The following HORMAD1 variants were observed in gnomAD, a reference collection of about 807,000 sequenced individuals.
HORMAD1 encodes the protein HORMA domain-containing protein 1.
HORMAD1 carries 33 observed loss-of-function variants against 58.2 expected under a neutral mutation model. The ratio of observed to expected loss-of-function variants is 0.57; its 90% CI spans 0.43 to 0.76. The LOEUF is 0.76. Among genes scored for constraint, HORMAD1 ranks in the 30% least tolerant of loss-of-function variants. HORMAD1 has a pLI of 0.00. For synonymous variants in HORMAD1, 137 were observed against 144.6 expected, an observed-to-expected ratio of 0.95 and a Z score of 0.38; for missense variants, 363 against 462.0, an observed-to-expected ratio of 0.79 and a Z score of 1.96.
At chr1:150,702,955 G>A (rs1275973775) in intron 13 of HORMAD1, among the ~76,000 whole-genome samples, 1 of 152,072 alleles carries the variant, frequency 6.6e-6, no homozygotes, top group Non-Finnish European at 1.5e-5. Flanking sequence ...TGGCATTCTA[G>A]GAAATTTCTC....
At chr1:150,698,768 C>T (rs17658503) in intron 14 of HORMAD1, 34 bp from the exon 15 acceptor site, 1 of 425,384 alleles carries the variant, frequency 2.4e-6, no homozygotes, top group Admixed American at 6.3e-5. Flanking sequence ...AGAATAGATA[C>T]TTTCCTGTTT....
intron 5 of HORMAD1, 119 bp from the exon 6 acceptor site, chr1:150,711,972 C>T: frequency 1.4e-6 from 1 of 713,274 alleles, no homozygotes; most frequent in Non-Finnish European, 2.5e-6. Flanking sequence ...ATAATCATTG[C>T]AGATCTTGAC....
chr1:150,711,151 T>C (rs764463479), intron 7 of HORMAD1, among the ~76,000 whole-genome samples: 7 of 152,316 alleles, frequency 4.6e-5, no homozygotes, highest in South Asian at 2.1e-4. Flanking sequence ...GTAAGATAAA[T>C]AGGTAGCTAT....
At chr1:150,712,685 A>T (rs1404277247) in intron 5 of HORMAD1, among the ~76,000 whole-genome samples, 2 of 152,016 alleles carry the variant, frequency 1.3e-5, no homozygotes, top group East Asian at 3.9e-4. Context: ...AGTAACTGGG[A>T]TTACAGGCGC....
intron 4 of HORMAD1, 49 bp downstream of exon 4, chr1:150,714,566 T>G (rs1399885394): frequency 1.3e-5 from 14 of 1,060,870 alleles, no homozygotes; most frequent in Non-Finnish European, 8.1e-6. Flanking sequence ...CAAAAAAAAG[T>G]AAAATGAGAA....
intron 13 of HORMAD1, among the ~76,000 whole-genome samples, chr1:150,702,187 G>T (rs1651555914): frequency 6.6e-6 from 1 of 152,112 alleles, no homozygotes; most frequent in Non-Finnish European, 1.5e-5. Flanking sequence ...CAACATCACT[G>T]ATCATTAGAG....
rs146898261 is a variant in HORMAD1 at position 150,706,933 on chromosome 1, C to T, written c.548-124G>A. On this transcript the variant is annotated intron_variant, in intron 9 of 14. Coordinates refer to ENST00000361824, the MANE Select transcript of HORMAD1 (RefSeq NM_032132.5). Reference sequence around the variant, plus strand: ...ATATAAGGGCATAAGGTAAAACATACGAATTACTCTCCTGCTATGTCCAAG... The same window carrying T: ...ATATAAGGGCATAAGGTAAAACATATGAATTACTCTCCTGCTATGTCCAAG... 1.0e-3 allele frequency: 745 copies of T among 738,564 alleles called. 8 individuals are homozygous for T. The East Asian group carries it at 0.019, about 19-fold the overall frequency. The allele number at this position is 738,564 out of a possible 1,614,324, so 45.8% of individuals were successfully genotyped here.
chr1:150,718,594 A>G (rs1386718469), intron 2 of HORMAD1, among the ~76,000 whole-genome samples: 3 of 152,136 alleles, frequency 2.0e-5, no homozygotes, highest in Non-Finnish European at 4.4e-5. Context: ...ATACAAATAT[A>G]GCAAATGCAT....
At chr1:150,705,525 C>CAAA (rs201641273) in intron 10 of HORMAD1, among the ~76,000 whole-genome samples, 2 of 136,490 alleles carry the variant, frequency 1.5e-5, no homozygotes, top group African/African-American at 5.5e-5. Context: ...AACTCTGTCT[C>CAAA]AAAAAAAAAA....
intron 3 of HORMAD1, among the ~76,000 whole-genome samples, chr1:150,716,880 G>A (rs1258720912): frequency 6.7e-6 from 1 of 149,672 alleles, no homozygotes; most frequent in Non-Finnish European, 1.5e-5. Context: ...GGAGAATGGC[G>A]TGAACCCAGG....
intron 5 of HORMAD1, chr1:150,713,759 G>C (rs993677425): frequency 2.4e-5 from 5 of 205,760 alleles, no homozygotes; most frequent in African/African-American, 1.2e-4. Flanking sequence ...GTATAAACAA[G>C]CTTGTAGAAG....
At chr1:150,711,777 A>G in intron 6 of HORMAD1, 56 bp downstream of exon 6, 1 of 1,272,304 alleles carries the variant, frequency 7.9e-7, no homozygotes. Context: ...CATTTAATTA[A>G]GCAAGGCCAA....
chr1:150,712,728 G>A (rs1175833295), intron 5 of HORMAD1, among the ~76,000 whole-genome samples: 1 of 152,038 alleles, frequency 6.6e-6, no homozygotes, highest in Non-Finnish European at 1.5e-5. Context: ...TGTATTTTTA[G>A]TAGAGACAAG....
At chr1:150,704,066 G>A (rs1243586103) in intron 12 of HORMAD1, 52 bp downstream of exon 12, 1 of 1,182,942 alleles carries the variant, frequency 8.5e-7, no homozygotes, top group African/African-American at 1.6e-5. Flanking sequence ...TAGCGCATAA[G>A]CAACTGTCCT....
In HORMAD1 at chr1:150,719,481, T is replaced by C; in HGVS notation, c.25A>G (p.Thr9Ala). 6.3e-7 allele frequency: 1 copy of C among 1,577,616 alleles called. No individual in the cohort carries two copies. Among genetic ancestry groups the C allele is most frequent in the Non-Finnish European group, 8.6e-7 (1 of 1,158,186 alleles). The change falls in exon 2 of 15, where the codon ACT becomes GCT. Residue 9 changes from threonine to alanine, a missense_variant. Thr to Ala is a moderately conservative substitution (Grantham distance 58). Transcript: ENST00000361824. ...AATACAAGAAATCATACCATGGGAGTCCTCTGCAACTGGGCAGTGGCCATC... is the reference window on the plus strand; with the variant it reads ...AATACAAGAAATCATACCATGGGAGCCCTCTGCAACTGGGCAGTGGCCATC... MATAQLQR[T>A]PMSALVFPNK...
intron 9 of HORMAD1, 50 bp downstream of exon 9, chr1:150,708,206 A>G: frequency 7.4e-7 from 1 of 1,360,414 alleles, no homozygotes; most frequent in Non-Finnish European, 9.8e-7. Context: ...TTGTTTCAAT[A>G]ATGATAAAAC....
chr1:150,703,578 T>C lies in HORMAD1; in HGVS notation c.949-185A>G, dbSNP rs148494795. On this transcript the variant is annotated intron_variant, in intron 12 of 14. Transcript: ENST00000361824. ...AGTAAAGATAGTGAAACTGACACTT[T>C]ACATAATTGGCCAACCACTGAACTG... Among the ~76,000 whole-genome samples the C allele has an allele frequency of 5.9e-5, 9 of 152,314 alleles. No homozygotes were observed. The East Asian group carries it at 1.3e-3, about 23-fold the overall frequency.
intron 5 of HORMAD1, 45 bp downstream of exon 5, chr1:150,714,040 T>A (rs1463164085): frequency 8.4e-7 from 1 of 1,194,336 alleles, no homozygotes; most frequent in Non-Finnish European, 1.2e-6. Context: ...TATTTGTAGA[T>A]CATAAACTGT....
At chr1:150,705,629 C>T (rs1651669079) in intron 10 of HORMAD1, among the ~76,000 whole-genome samples, 1 of 152,018 alleles carries the variant, frequency 6.6e-6, no homozygotes, top group African/African-American at 2.4e-5. Flanking sequence ...GTCTACATTA[C>T]AATTATTGTT....
Sources: allele counts gnomAD v4.1 joint callset (sites outside exome capture counted in the v4.1 genomes callset), GRCh38; gene constraint gnomAD v4.1.1; transcripts MANE v1.5; gene names NCBI Gene and HGNC (gene_info 2026-07-23, HGNC 2026-07-21).